The following ITGB8 variants were observed in gnomAD, a reference collection of about 807,000 sequenced individuals.
ITGB8 encodes integrin beta-8.
Under a neutral mutation model 89.5 loss-of-function variants are expected in ITGB8, and 30 were observed. The observed-to-expected ratio is 0.34, with a 90% CI of 0.25 to 0.45. ITGB8 has a LOEUF of 0.45. Ranked by LOEUF, ITGB8 falls within the 20% of genes least tolerant of loss-of-function variation. The probability of loss-of-function intolerance (pLI) is 1.00; values close to 1 mark genes in which losing one functional copy is unlikely to be tolerated. For missense variants in ITGB8, 836 were observed against 933.3 expected, an observed-to-expected ratio of 0.90 and a Z score of 1.36; for synonymous variants, 335 against 320.4, an observed-to-expected ratio of 1.05 and a Z score of -0.49.
chr7:20,341,908 G>A (rs1018994987), intron 1 of ITGB8, among the ~76,000 whole-genome samples: 2 of 151,378 alleles, frequency 1.3e-5, no homozygotes, highest in Non-Finnish European at 3.0e-5. Context: ...AAAAAAAGAT[G>A]TGTTACTTCT....
At chr7:20,393,086 T>C (rs1335946982) in intron 7 of ITGB8, among the ~76,000 whole-genome samples, 1 of 152,216 alleles carries the variant, frequency 6.6e-6, no homozygotes, top group African/African-American at 2.4e-5. Context: ...GGCTAAATAT[T>C]TGCCCAAGGG....
At chr7:20,355,120 T>C (rs1460983239) in intron 1 of ITGB8, among the ~76,000 whole-genome samples, 1 of 152,210 alleles carries the variant, frequency 6.6e-6, no homozygotes, top group East Asian at 1.9e-4. Context: ...AGGAGCCACA[T>C]TGCTTAGAGA....
In ITGB8 at chr7:20,398,935, C is replaced by A. The variant is rs780891294; in HGVS notation, c.1222C>A (p.Pro408Thr). 5.0e-6 allele frequency: 8 copies of A among 1,611,974 alleles called. No individual in the cohort carries two copies. The Admixed American group carries it at 1.3e-4, about 27-fold the overall frequency. The change falls in exon 9 of 14, where the codon CCA (proline) becomes ACA (threonine). Residue 408 changes from proline to threonine, a missense_variant. By Grantham distance (38) the Pro-to-Thr change is conservative. This residue lies in a region of ITGB8 where 192 missense variants were observed against 267.1 expected (regional missense o/e 0.72). Coordinates refer to ENST00000222573, the MANE Select transcript of ITGB8 (RefSeq NM_002214.3). ...CTATTTTAACATTACCGCCATCTGTCCAGATGGGTCCAGAAAGCCAGGCAT... is the reference window on the plus strand; with the variant it reads ...CTATTTTAACATTACCGCCATCTGTACAGATGGGTCCAGAAAGCCAGGCAT... ...GIYFNITAIC[P>T]DGSRKPGMEG...
At chr7:20,405,133 C>T (rs1000045034) in intron 11 of ITGB8, among the ~76,000 whole-genome samples, 7 of 151,476 alleles carry the variant, frequency 4.6e-5, no homozygotes, top group East Asian at 1.9e-4. Flanking sequence ...CGTGTGATCT[C>T]GGACAAGTTG....
chr7:20,366,720 G>A (rs1228558459), intron 2 of ITGB8: 2 of 256,496 alleles, frequency 7.8e-6, no homozygotes, highest in Non-Finnish European at 1.5e-5. Context: ...AGCCGAGATC[G>A]TGCCACTGCA....
At chr7:20,331,956 G>C in intron 1 of ITGB8, 23 bp downstream of exon 1, 1 of 1,612,066 alleles carries the variant, frequency 6.2e-7, no homozygotes, top group Non-Finnish European at 8.5e-7. Context: ...GTTTTGTTTT[G>C]TTTTCTTCTC....
chr7:20,348,947 A>T (rs568116142), intron 1 of ITGB8, among the ~76,000 whole-genome samples: 20 of 152,318 alleles, frequency 1.3e-4, no homozygotes, highest in Non-Finnish European at 2.6e-4. Context: ...AGAAGATGGA[A>T]TAAGAATTTT....
chr7:20,370,024 TAAG>T (rs1314744065), intron 3 of ITGB8, among the ~76,000 whole-genome samples: 5 of 151,444 alleles, frequency 3.3e-5, no homozygotes, highest in African/African-American at 7.3e-5. Context: ...TCCAAAGATA[TAAG>T]AAGAAGATAA....
At chr7:20,380,368 A>G (rs1046677143) in intron 4 of ITGB8, 1 of 254,764 alleles carries the variant, frequency 3.9e-6, no homozygotes, top group Non-Finnish European at 7.4e-6. Flanking sequence ...CACCTTAAAA[A>G]TTCACAGCGC....
chr7:20,353,721 C>T (rs1447540551), intron 1 of ITGB8, among the ~76,000 whole-genome samples: 1 of 147,104 alleles, frequency 6.8e-6, no homozygotes, highest in Non-Finnish European at 1.5e-5. Flanking sequence ...ATCACGAGGT[C>T]AGGAGATCGA....
chr7:20,386,694 A>T lies in ITGB8; in HGVS notation c.961-4709A>T, dbSNP rs147420367. Among the ~76,000 whole-genome samples, 1,170 of 152,288 alleles carry T rather than the reference A, an allele frequency of 7.7e-3. 13 individuals carry two copies. The highest frequency in any genetic ancestry group is 0.027 in the African/African-American group (1,106 of 41,538). On this transcript the variant is annotated intron_variant, in intron 6 of 13. Coordinates refer to ENST00000222573, the MANE Select transcript of ITGB8 (RefSeq NM_002214.3). ...TTTAATTGAAAGCAAAATTGCATGT[A>T]GAAATCACCTGTGCCAGACTCAAAG...
Position 20,414,260 on chromosome 7 carries a change from C to T in ITGB8, c.*4263C>T, listed in dbSNP as rs1391706446. The T allele has an allele frequency of 6.6e-6, 1 of 152,080 alleles. No homozygotes were observed. Among genetic ancestry groups the T allele is most frequent in the Non-Finnish European group, 1.5e-5 (1 of 67,976 alleles). The allele number at this position is 152,080 out of a possible 1,614,324, so 9.4% of individuals were successfully genotyped here. On this transcript the variant is annotated 3_prime_UTR_variant, in exon 14 of 14. Transcript: ENST00000222573. ...GCGAAATTTAAGGACAACTGAGTCACGCACAACTCAACATGGAGCCTAACT... is the reference window on the plus strand; with the variant it reads ...GCGAAATTTAAGGACAACTGAGTCATGCACAACTCAACATGGAGCCTAACT...
At chr7:20,378,941 G>A in intron 3 of ITGB8, 110 bp from the exon 4 acceptor site, 1 of 638,288 alleles carries the variant, frequency 1.6e-6, no homozygotes, top group Non-Finnish European at 2.4e-6. Context: ...AATTTTATGT[G>A]CAAATTTGTG....
At chr7:20,384,912 A>G (rs1786543008) in intron 6 of ITGB8, among the ~76,000 whole-genome samples, 1 of 144,946 alleles carries the variant, frequency 6.9e-6, no homozygotes, top group Non-Finnish European at 1.5e-5. Context: ...CTGCTTTTTC[A>G]TCAAGATCAA....
chr7:20,399,138 C>A, intron 9 of ITGB8, 144 bp downstream of exon 9: 1 of 803,372 alleles, frequency 1.2e-6, no homozygotes, highest in South Asian at 2.0e-5. Context: ...CTTTCATTGT[C>A]TCTCCTCAAA....
At chr7:20,372,275 G>A (rs991441335) in intron 3 of ITGB8, among the ~76,000 whole-genome samples, 1 of 152,062 alleles carries the variant, frequency 6.6e-6, no homozygotes, top group Non-Finnish European at 1.5e-5. Context: ...ATATAATGAT[G>A]ATTTGGTCCT....
At chr7:20,348,942 A>G (rs1484797441) in intron 1 of ITGB8, among the ~76,000 whole-genome samples, 1 of 152,198 alleles carries the variant, frequency 6.6e-6, no homozygotes, top group Non-Finnish European at 1.5e-5. Context: ...TATGGAGAAG[A>G]TGGAATAAGA....
chr7:20,336,595 G>C (rs1014566341), intron 1 of ITGB8, among the ~76,000 whole-genome samples: 2 of 152,214 alleles, frequency 1.3e-5, no homozygotes, highest in South Asian at 2.1e-4. Flanking sequence ...GAACATCGTA[G>C]AGAAAGCTTG....
chr7:20,412,878 A>T lies in ITGB8; in HGVS notation c.*2881A>T, dbSNP rs1787812001. 6.6e-6 allele frequency: 1 copy of T among 152,630 alleles called. No individual in the cohort carries two copies. Among genetic ancestry groups the T allele is most frequent in the Admixed American group, 6.5e-5 (1 of 15,280 alleles). The allele number at this position is 152,630 out of a possible 1,614,324, so 9.5% of individuals were successfully genotyped here. On this transcript the variant is annotated 3_prime_UTR_variant, in exon 14 of 14. Transcript: ENST00000222573. ...ATGCAAATAGAGTCTATTTTCAACT[A>T]ATATGGCCACAGGAGCCTTTTGAGA...
Sources: gnomAD v4.1 joint callset for allele counts (sites outside exome capture counted in the v4.1 genomes callset) on GRCh38, gnomAD v4.1.1 for gene constraint, gnomAD v4.1.1 regional missense constraint, MANE v1.5 for transcripts, NCBI Gene and HGNC (gene_info 2026-07-23, HGNC 2026-07-21) for gene names.